The following ANPEP variants were observed in gnomAD, a reference collection of about 807,000 sequenced individuals.
The protein encoded by ANPEP is aminopeptidase N.
A neutral mutation model predicts 114.6 loss-of-function variants in ANPEP; 70 were observed. That is an observed-to-expected ratio of 0.61 (90% CI 0.50 to 0.75). The LOEUF is 0.75. Ranked by LOEUF, ANPEP falls within the 30% of genes least tolerant of loss-of-function variation. The pLI is 0.00. For missense variants in ANPEP, 1,184 were observed against 1,259.5 expected (o/e 0.94, Z 0.91); for synonymous variants, 548 against 522.3 (o/e 1.05, Z -0.67).
chr15:89,804,149 GC>G, intron 6 of ANPEP, 103 bp downstream of exon 6: 2 of 1,568,932 alleles, frequency 1.3e-6, no homozygotes, highest in Non-Finnish European at 1.7e-6. Flanking sequence ...CTGCCAGGCG[GC>G]ACCCTCCTCC....
intron 1 of ANPEP, among the ~76,000 whole-genome samples, chr15:89,810,476 C>T (rs574600216): frequency 3.2e-4 from 49 of 152,020 alleles, no homozygotes; most frequent in South Asian, 2.9e-3. Flanking sequence ...GGGGCTGAGG[C>T]GGAAGAATCG....
At position 89,803,221 on chromosome 15, in the gene ANPEP, G is replaced by C. The variant is rs750215129; in HGVS notation, c.1569+18C>G. 7 of 1,612,510 alleles carry C rather than the reference G, an allele frequency of 4.3e-6. No individual in the cohort carries two copies. In the East Asian group the frequency reaches 1.1e-4, roughly 26 times the overall value. On this transcript the variant is annotated intron_variant, in intron 10 of 20. Coordinates refer to ENST00000300060, the MANE Select transcript of ANPEP (RefSeq NM_001150.3). The surrounding 1 kb of genome is among the most constrained non-coding windows in gnomAD (Gnocchi z 4.2). ...AGACCCCAACAGGATGGCTGTGGAG[G>C]GGCTGGCTGCTACTGACCTCCTGCA...
intron 1 of ANPEP, among the ~76,000 whole-genome samples, chr15:89,809,537 A>G (rs1894782396): frequency 1.3e-5 from 2 of 152,202 alleles, no homozygotes; most frequent in Non-Finnish European, 2.9e-5. Context: ...AGGCCAACCC[A>G]GGCTGGGGGC....
At position 89,801,202 on chromosome 15, in the gene ANPEP, C is replaced by G. The variant is rs1894581820; in HGVS notation, c.1743-15G>C. On this transcript the variant is annotated splice_polypyrimidine_tract_variant and intron_variant, in intron 11 of 20. Coordinates refer to ENST00000300060, the MANE Select transcript of ANPEP (RefSeq NM_001150.3). The stretch of plus-strand genomic sequence containing the variant: ...TCCACACGTAGCTGCAATTAAAGAT[C>G]CAGAGGTGGTGAGAGATGGCGGTGT... The G allele has an allele frequency of 1.9e-6, 3 of 1,613,818 alleles. No homozygotes were observed. The highest frequency in any genetic ancestry group is 2.5e-6 in the Non-Finnish European group (3 of 1,179,880).
intron 14 of ANPEP, among the ~76,000 whole-genome samples, chr15:89,798,822 C>T (rs1894526244): frequency 6.6e-6 from 1 of 152,182 alleles, no homozygotes; most frequent in Non-Finnish European, 1.5e-5. Flanking sequence ...CACCTGTAAT[C>T]CCAGCAACTC....
chr15:89,813,991 T>TTGGGGG (rs796085758), intron 1 of ANPEP, among the ~76,000 whole-genome samples: 2 of 111,710 alleles, frequency 1.8e-5, no homozygotes, highest in Non-Finnish European at 3.6e-5. Context: ...ACCGCACTGC[T>TTGGGGG]GGGGGGGGGG....
intron 10 of ANPEP, 96 bp from the exon 11 acceptor site, chr15:89,801,703 G>A (rs1894595570): frequency 1.4e-6 from 2 of 1,434,770 alleles, no homozygotes; most frequent in South Asian, 1.3e-5. Context: ...ACCCCGGGGG[G>A]CCACTTGTAT....
At chr15:89,801,313 A>G in intron 11 of ANPEP, 122 bp downstream of exon 11, 1 of 1,541,332 alleles carries the variant, frequency 6.5e-7, no homozygotes, top group African/African-American at 1.4e-5. Context: ...CTGGCTCTGG[A>G]GGGAGGGTCT....
intron 2 of ANPEP, 23 bp downstream of exon 2, chr15:89,805,947 C>T (rs369878261): frequency 1.3e-5 from 20 of 1,565,712 alleles, no homozygotes; most frequent in Middle Eastern, 1.7e-4. Flanking sequence ...TCCACCCCAC[C>T]GGGCAGCCCA....
intron 1 of ANPEP, among the ~76,000 whole-genome samples, chr15:89,811,090 A>T (rs1227849192): frequency 6.6e-6 from 1 of 152,210 alleles, no homozygotes; most frequent in Non-Finnish European, 1.5e-5. Flanking sequence ...TGCTTGTGGA[A>T]TGGGGCATCA....
Position 89,801,448 on chromosome 15 carries a change from G to C in ANPEP, c.1729C>G (p.Pro577Ala), listed in dbSNP as rs1265259735. The change falls in exon 11 of 21, where the codon CCC becomes GCC. Residue 577 changes from proline to alanine, a missense_variant. Pro to Ala is a conservative substitution (Grantham distance 27). Transcript: ENST00000300060. Reference protein sequence around the residue: ...LLDPDSNVTRPSEFNYVWIVP... With the variant: ...LLDPDSNVTRASEFNYVWIVP... ...CCATCTGCTCACTTGAATTCTGAGG[G>C]GCGGGTAACATTGGAATCGGGGTCA... is the stretch of plus-strand genomic sequence containing the variant. 6.2e-7 allele frequency: 1 copy of C among 1,614,178 alleles called. No individual in the cohort carries two copies. Among genetic ancestry groups the C allele is most frequent in the Non-Finnish European group, 8.5e-7 (1 of 1,179,996 alleles).
At position 89,799,477 on chromosome 15, in the gene ANPEP, G is replaced by T; in HGVS notation, c.1902C>A (p.Tyr634Ter). Residue 634 changes from tyrosine to a stop codon, truncating the protein, a stop_gained, in exon 13 of 21, where the codon TAC becomes TAA. Transcript: ENST00000300060. LOFTEE classifies it high-confidence loss of function. The surrounding 1 kb of genome is among the most constrained non-coding windows in gnomAD (Gnocchi z 4.2). ...GAATCTTCCTCCAGTTCTCTTCGTC[G>T]TAGTTCACCCGGTAATAGCCCGTCA... ...LNVTGYYRVN[Y>*]DEENWRKIQT... 1 of 1,614,164 alleles carries T rather than the reference G, an allele frequency of 6.2e-7. No individual in the cohort carries two copies. The highest frequency in any genetic ancestry group is 2.2e-5 in the East Asian group (1 of 44,884).
At chr15:89,796,312 A>C (rs147751038) in intron 15 of ANPEP, among the ~76,000 whole-genome samples, 263 of 152,350 alleles carry the variant, frequency 1.7e-3, no homozygotes, top group Admixed American at 3.5e-3. Flanking sequence ...GGCTCAGCAG[A>C]GAATACTATT....
At chr15:89,801,040 C>G (rs1171927376) in intron 12 of ANPEP, 71 bp downstream of exon 12, 1 of 1,362,094 alleles carries the variant, frequency 7.3e-7, no homozygotes, top group East Asian at 2.3e-5. Context: ...CCCATCACAG[C>G]CCTCAGAACA....
In ANPEP at chr15:89,793,478, AT is replaced by A. The variant is rs547356964; in HGVS notation, c.2158-353del. Among the ~76,000 whole-genome samples, 81 of 152,212 alleles carry A rather than the reference AT, an allele frequency of 5.3e-4. No individual in the cohort carries two copies. The South Asian group carries it at 6.4e-3, about 12-fold the overall frequency. On this transcript the variant is annotated intron_variant, in intron 15 of 20. Transcript: ENST00000300060. Reference sequence around the variant, plus strand: ...CATTTTGAGAGGCTGAGGCGGGTGGATCCCCTGAGTCCAGGAGTTCGAGATC... The same window carrying A: ...CATTTTGAGAGGCTGAGGCGGGTGGACCCCTGAGTCCAGGAGTTCGAGATC...
intron 1 of ANPEP, among the ~76,000 whole-genome samples, chr15:89,810,870 C>G (rs1485005680): frequency 6.6e-6 from 1 of 152,246 alleles, no homozygotes; most frequent in African/African-American, 2.4e-5. Context: ...ATCCAACCTG[C>G]TTTTCCCCGC....
chr15:89,801,264 A>G (rs1596166572), intron 11 of ANPEP, 77 bp from the exon 12 acceptor site: 18 of 1,569,662 alleles, frequency 1.1e-5, no homozygotes, highest in African/African-American at 4.1e-5. Context: ...CCAGGCTCCC[A>G]GCTTCTGCCC....
rs545406123 is a variant in ANPEP at position 89,810,106 on chromosome 15, G to A, written c.-223-3300C>T. ...TAGGAAAATGCCACTGAGGCTGAGC[G>A]CGGTGGCTCATGCCTGTAATCCCAG... is the stretch of plus-strand genomic sequence containing the variant. On this transcript the variant is annotated intron_variant, in intron 1 of 20. Coordinates refer to ENST00000300060, the MANE Select transcript of ANPEP (RefSeq NM_001150.3). 8.5e-5 allele frequency among the ~76,000 whole-genome samples: 13 copies of A among 152,256 alleles called. No individual in the cohort carries two copies. In the South Asian group the frequency reaches 2.1e-3, roughly 24 times the overall value.
At position 89,790,997 on chromosome 15, in the gene ANPEP, C is replaced by A. The variant is rs1188353096; in HGVS notation, c.2625G>T (p.Leu875=). 1.2e-6 allele frequency: 2 copies of A among 1,614,106 alleles called. No individual in the cohort carries two copies. The highest frequency in any genetic ancestry group is 1.7e-6 in the Non-Finnish European group (2 of 1,180,042). ...AGTTGCTCTGGACAAAGTCCCAGAC[C>A]AGACCTTGCCCAATGACGTTGTTGG... The part of the protein sequence containing the change: ...SITNNVIGQG[L]VWDFVQSNWK... Residue 875 remains leucine, a synonymous_variant, in exon 19 of 21, where the codon CTG becomes CTT. Coordinates refer to ENST00000300060, the MANE Select transcript of ANPEP (RefSeq NM_001150.3).
Sources: allele counts gnomAD v4.1 joint callset (sites outside exome capture counted in the v4.1 genomes callset), GRCh38; gene constraint gnomAD v4.1.1; non-coding constraint Gnocchi (gnomAD v3.1); transcripts MANE v1.5; gene names NCBI Gene and HGNC (gene_info 2026-07-23, HGNC 2026-07-21).